Variants in SRGAP1 observed in about 807,000 individuals in gnomAD.
SRGAP1 encodes the protein SLIT-ROBO Rho GTPase activating protein 1, also known as SLIT-ROBO Rho GTPase-activating protein 1.
Under a neutral mutation model 121.9 loss-of-function variants are expected in SRGAP1, and 43 were observed. That is an observed-to-expected ratio of 0.35 (90% CI 0.28 to 0.46). The LOEUF is 0.46. Among genes scored for constraint, SRGAP1 ranks in the 20% least tolerant of loss-of-function variants. SRGAP1 has a pLI of 1.00. For missense variants in SRGAP1, 1,102 were observed against 1,350.9 expected, an observed-to-expected ratio of 0.82 and a Z score of 2.89; for synonymous variants, 447 against 485.4, an observed-to-expected ratio of 0.92 and a Z score of 1.04.
intron 3 of SRGAP1, among the ~76,000 whole-genome samples, chr12:63,991,173 C>G (rs1266981469): frequency 6.6e-6 from 1 of 152,190 alleles, no homozygotes; most frequent in East Asian, 1.9e-4. Flanking sequence ...CCCCCACTCT[C>G]TCAGCTTTGT....
chr12:63,892,314 GA>G, intron 1 of SRGAP1, among the ~76,000 whole-genome samples: 1 of 152,024 alleles, frequency 6.6e-6, no homozygotes. Context: ...AAACAGCCCT[GA>G]AAAATAATGA....
At chr12:64,101,531 A>G (rs1434484704) in intron 15 of SRGAP1, among the ~76,000 whole-genome samples, 1 of 152,218 alleles carries the variant, frequency 6.6e-6, no homozygotes, top group Non-Finnish European at 1.5e-5. Flanking sequence ...CTGGATGAAG[A>G]CATAGTAAAA....
At chr12:64,015,847 T>G (rs976096652) in intron 3 of SRGAP1, among the ~76,000 whole-genome samples, 11 of 152,238 alleles carry the variant, frequency 7.2e-5, no homozygotes, top group African/African-American at 2.2e-4. Context: ...AACTGTAGAT[T>G]AAGCTATGCT....
chr12:63,922,027 G>GGA (rs1472105793), intron 1 of SRGAP1, among the ~76,000 whole-genome samples: 1 of 150,712 alleles, frequency 6.6e-6, no homozygotes, highest in Non-Finnish European at 1.5e-5. Context: ...CGCTCAGGCT[G>GGA]GAGTGCAGTG....
chr12:63,981,098 G>C (rs1183032315), intron 1 of SRGAP1, among the ~76,000 whole-genome samples: 1 of 152,132 alleles, frequency 6.6e-6, no homozygotes, highest in African/African-American at 2.4e-5. Flanking sequence ...AGAATGCTGA[G>C]TGCCTTATTT....
intron 15 of SRGAP1, among the ~76,000 whole-genome samples, chr12:64,102,940 A>G (rs994970577): frequency 6.6e-6 from 1 of 152,156 alleles, no homozygotes; most frequent in African/African-American, 2.4e-5. Flanking sequence ...AACTGTGTAA[A>G]TGGGTAAATT....
intron 1 of SRGAP1, among the ~76,000 whole-genome samples, chr12:63,874,472 G>T (rs1283486564): frequency 1.3e-5 from 2 of 152,078 alleles, no homozygotes; most frequent in Non-Finnish European, 2.9e-5. Context: ...CAAAGTGCTG[G>T]GATTACAGGT....
intron 1 of SRGAP1, among the ~76,000 whole-genome samples, chr12:63,881,653 T>C (rs1900197310): frequency 6.6e-6 from 1 of 152,226 alleles, no homozygotes; most frequent in Non-Finnish European, 1.5e-5. Context: ...CCAATATTCA[T>C]TTACCACTTT....
chr12:63,953,621 G>C (rs1182951467), intron 1 of SRGAP1, among the ~76,000 whole-genome samples: 3 of 151,548 alleles, frequency 2.0e-5, no homozygotes, highest in South Asian at 2.1e-4. Context: ...TGCCCAGTCT[G>C]GTCCCAAACT....
intron 3 of SRGAP1, among the ~76,000 whole-genome samples, chr12:63,991,888 T>C (rs1315068405): frequency 6.6e-6 from 1 of 152,160 alleles, no homozygotes; most frequent in South Asian, 2.1e-4. Flanking sequence ...CTAAAAGACA[T>C]GTCCCTGCCT....
intron 1 of SRGAP1, among the ~76,000 whole-genome samples, chr12:63,938,282 C>G (rs1046443297): frequency 5.9e-5 from 9 of 152,196 alleles, no homozygotes; most frequent in African/African-American, 1.2e-4. Context: ...CATTTCACCT[C>G]TCCTTGAGTC....
chr12:63,946,076 G>A (rs1457542186), intron 1 of SRGAP1, among the ~76,000 whole-genome samples: 1 of 152,010 alleles, frequency 6.6e-6, no homozygotes, highest in Non-Finnish European at 1.5e-5. Flanking sequence ...AAATCACCTT[G>A]ACAATATTCA....
At chr12:64,092,969 T>G (rs1328077328) in intron 12 of SRGAP1, among the ~76,000 whole-genome samples, 3 of 152,106 alleles carry the variant, frequency 2.0e-5, no homozygotes, top group East Asian at 3.9e-4. Context: ...TCATGGAAAA[T>G]TCACTTATAG....
At chr12:63,973,304 A>G (rs1254423973) in intron 1 of SRGAP1, among the ~76,000 whole-genome samples, 1 of 152,210 alleles carries the variant, frequency 6.6e-6, no homozygotes, top group African/African-American at 2.4e-5. Flanking sequence ...GGGTCACTTT[A>G]GCTTGCTTTG....
chr12:64,099,795 G>A (rs1256480370), intron 15 of SRGAP1, among the ~76,000 whole-genome samples: 1 of 152,194 alleles, frequency 6.6e-6, no homozygotes, highest in African/African-American at 2.4e-5. Flanking sequence ...CATACATCAT[G>A]TCAGCTGTAA....
intron 1 of SRGAP1, among the ~76,000 whole-genome samples, chr12:63,923,481 A>G (rs966085227): frequency 1.5e-4 from 23 of 152,332 alleles, no homozygotes; most frequent in African/African-American, 5.5e-4. Context: ...GTATCAAAGA[A>G]TGATTTTATG....
At chr12:63,909,257 G>C (rs900612087) in intron 1 of SRGAP1, among the ~76,000 whole-genome samples, 3 of 152,172 alleles carry the variant, frequency 2.0e-5, no homozygotes, top group Non-Finnish European at 4.4e-5. Context: ...AAAATTATTT[G>C]AACAGCTGTG....
chr12:64,092,014 A>T, intron 12 of SRGAP1: 1 of 1,089,888 alleles, frequency 9.2e-7, no homozygotes, highest in Non-Finnish European at 1.3e-6. Flanking sequence ...TTAGATTGTT[A>T]AGGTTTTTAA....
At chr12:63,966,080 A>G (rs1172913399) in intron 1 of SRGAP1, among the ~76,000 whole-genome samples, 1 of 152,242 alleles carries the variant, frequency 6.6e-6, no homozygotes, top group Non-Finnish European at 1.5e-5. Flanking sequence ...TTGGCCTCCC[A>G]AAGTGCTGGG....
Sources: gnomAD v4.1 joint callset for allele counts (sites outside exome capture counted in the v4.1 genomes callset) on GRCh38, gnomAD v4.1.1 for gene constraint, MANE v1.5 for transcripts, NCBI Gene and HGNC (gene_info 2026-07-23, HGNC 2026-07-21) for gene names.